The following AFG2A variants were observed in gnomAD, a reference collection of about 807,000 sequenced individuals.
AFG2A encodes ATPase family gene 2 protein homolog A.
the AFG2A span, among the ~76,000 whole-genome samples, chr4:123,077,801 T>G: frequency 6.6e-6 from 1 of 152,184 alleles, no homozygotes; most frequent in African/African-American, 2.4e-5. Context: ...TGTTTCTTGT[T>G]TTTGTTCTTC....
the AFG2A span, among the ~76,000 whole-genome samples, chr4:123,119,096 C>T: frequency 2.0e-5 from 3 of 152,002 alleles, no homozygotes; most frequent in Non-Finnish European, 4.4e-5. Context: ...TTGAGAGTTA[C>T]TCATCTTTAT....
At chr4:123,121,259 A>T in the AFG2A span, among the ~76,000 whole-genome samples, 623 of 118,790 alleles carry the variant, frequency 5.2e-3, 1 homozygote, top group East Asian at 0.014. Context: ...AAAAAAAAAA[A>T]ATAATAAATA....
the AFG2A span, among the ~76,000 whole-genome samples, chr4:123,032,456 G>A: frequency 7.9e-5 from 12 of 152,174 alleles, no homozygotes; most frequent in Non-Finnish European, 1.0e-4. Flanking sequence ...GCAGTGGCGC[G>A]ATCTCGGCTC....
chr4:123,241,012 CAAAT>C, the AFG2A span, among the ~76,000 whole-genome samples: 2 of 152,146 alleles, frequency 1.3e-5, no homozygotes, highest in South Asian at 4.1e-4. Context: ...CACCTTTACT[CAAAT>C]AAACTAGAAA....
the AFG2A span, chr4:123,256,970 T>C: frequency 6.8e-6 from 3 of 440,564 alleles, no homozygotes; most frequent in African/African-American, 4.3e-5. Context: ...TGTAGACTTT[T>C]AATGGGAGAT....
At chr4:123,198,649 T>C in the AFG2A span, among the ~76,000 whole-genome samples, 1 of 152,308 alleles carries the variant, frequency 6.6e-6, no homozygotes, top group Non-Finnish European at 1.5e-5. Flanking sequence ...TGCCTTAGGA[T>C]TGGGTCCTTT....
the AFG2A span, among the ~76,000 whole-genome samples, chr4:123,161,971 G>T: frequency 6.6e-6 from 1 of 152,092 alleles, no homozygotes; most frequent in Admixed American, 6.6e-5. Context: ...AGGATTTGAC[G>T]GGGAGGGAGG....
At chr4:122,943,537 G>C in the AFG2A span, among the ~76,000 whole-genome samples, 4 of 152,200 alleles carry the variant, frequency 2.6e-5, no homozygotes, top group South Asian at 6.2e-4. Flanking sequence ...GTCTCTGCAC[G>C]TGAGATGGGT....
the AFG2A span, among the ~76,000 whole-genome samples, chr4:123,086,067 T>C: frequency 1.1e-4 from 16 of 152,262 alleles, no homozygotes; most frequent in African/African-American, 3.8e-4. Context: ...TGTTGTTATT[T>C]TGAACAAGCT....
At chr4:123,173,895 T>C in the AFG2A span, among the ~76,000 whole-genome samples, 53 of 152,034 alleles carry the variant, frequency 3.5e-4, 1 homozygote, top group South Asian at 0.011. Flanking sequence ...ACAACAAATA[T>C]CAATACCAAA....
At chr4:123,133,425 A>G in the AFG2A span, among the ~76,000 whole-genome samples, 1 of 152,086 alleles carries the variant, frequency 6.6e-6, no homozygotes, top group African/African-American at 2.4e-5. Flanking sequence ...CGTTGTGGTT[A>G]CAGGCATATG....
chr4:122,982,864 C>CTTTTTTTTTTTTTT, the AFG2A span, among the ~76,000 whole-genome samples: 11 of 93,766 alleles, frequency 1.2e-4, no homozygotes, highest in Non-Finnish European at 2.1e-4. Flanking sequence ...TAATCTTCTT[C>CTTTTTTTTTTTTTT]TTTTTTTTTT....
At chr4:123,036,467 T>C in the AFG2A span, among the ~76,000 whole-genome samples, 1 of 152,136 alleles carries the variant, frequency 6.6e-6, no homozygotes, top group Non-Finnish European at 1.5e-5. Flanking sequence ...TATATATGGA[T>C]TTGTAGCTCA....
At chr4:123,101,005 T>C in the AFG2A span, among the ~76,000 whole-genome samples, 1 of 152,000 alleles carries the variant, frequency 6.6e-6, no homozygotes, top group African/African-American at 2.4e-5. Context: ...ATTCATCTTA[T>C]TAGATTTGAT....
chr4:123,230,420 C>T, the AFG2A span, among the ~76,000 whole-genome samples: 1 of 151,916 alleles, frequency 6.6e-6, no homozygotes. Context: ...TCATGAGATT[C>T]CTGCAATTCA....
At chr4:122,977,914 A>G in the AFG2A span, among the ~76,000 whole-genome samples, 12 of 151,956 alleles carry the variant, frequency 7.9e-5, no homozygotes, top group African/African-American at 2.9e-4. Context: ...CATCCTCACA[A>G]ATGTCTAGCT....
At chr4:122,992,530 T>C in the AFG2A span, among the ~76,000 whole-genome samples, 15 of 152,234 alleles carry the variant, frequency 9.9e-5, no homozygotes, top group Non-Finnish European at 1.6e-4. Flanking sequence ...TTAATACTTA[T>C]TTTGGTATAG....
chr4:122,993,422 C>T, the AFG2A span, among the ~76,000 whole-genome samples: 1 of 152,024 alleles, frequency 6.6e-6, no homozygotes. Flanking sequence ...ATGACTACAC[C>T]AAAGACTTTT....
At chr4:123,026,291 GTTA>G in the AFG2A span, among the ~76,000 whole-genome samples, 2 of 152,040 alleles carry the variant, frequency 1.3e-5, no homozygotes, top group Non-Finnish European at 2.9e-5. Flanking sequence ...TTCCTTTTCT[GTTA>G]TTATTCACTA....
Sources: gnomAD v4.1 joint callset for allele counts (sites outside exome capture counted in the v4.1 genomes callset) on GRCh38, gnomAD v4.1.1 for gene constraint, MANE v1.5 for transcripts, NCBI Gene and HGNC (gene_info 2026-07-23, HGNC 2026-07-21) for gene names.